ADCY8: variants seen among roughly 807,000 people sequenced by gnomAD.
The protein encoded by ADCY8 is adenylate cyclase type 8.
In ADCY8, 51 loss-of-function variants were observed where a neutral mutation model predicts 119.7. The ratio of observed to expected loss-of-function variants is 0.43; its 90% CI spans 0.34 to 0.54. The LOEUF (loss-of-function observed/expected upper bound fraction) is 0.54, where lower values mean the gene tolerates loss of function less well. Ranked by LOEUF, ADCY8 falls within the 20% of genes least tolerant of loss-of-function variation. ADCY8 has a pLI of 0.03. For synonymous variants in ADCY8, 665 were observed against 651.0 expected (o/e 1.02, Z -0.33); for missense variants, 1,383 against 1,598.8 (o/e 0.87, Z 2.30).
chr8:131,028,181 C>T (rs1411177), intron 1 of ADCY8, among the ~76,000 whole-genome samples: 11,684 of 152,216 alleles, frequency 0.077, 1,329 homozygotes, highest in African/African-American at 0.24. Context: ...ATAGCAAAAA[C>T]AGGAGGAGAA....
chr8:131,000,937 C>G (rs1822926191), intron 1 of ADCY8, among the ~76,000 whole-genome samples: 1 of 151,978 alleles, frequency 6.6e-6, no homozygotes, highest in Non-Finnish European at 1.5e-5. Context: ...AAAGAGCCAC[C>G]TAAGGCAGGG....
At chr8:130,794,031 G>C (rs573486872) in intron 15 of ADCY8, among the ~76,000 whole-genome samples, 94 of 152,184 alleles carry the variant, frequency 6.2e-4, no homozygotes, top group South Asian at 3.1e-3. Context: ...GAAGAGGAGA[G>C]GGCACAGAGA....
intron 13 of ADCY8, among the ~76,000 whole-genome samples, chr8:130,820,942 A>G (rs1816490444): frequency 6.6e-6 from 1 of 152,192 alleles, no homozygotes; most frequent in South Asian, 2.1e-4. Flanking sequence ...CTTGCCCAAA[A>G]TCATACACTG....
intron 9 of ADCY8, among the ~76,000 whole-genome samples, chr8:130,860,734 G>A (rs7835441): frequency 3.3e-5 from 5 of 151,968 alleles, no homozygotes; most frequent in African/African-American, 7.3e-5. Flanking sequence ...TCAATCCATC[G>A]TCTAGGTTTT....
At position 130,878,693 on chromosome 8, in the gene ADCY8, G is replaced by C. The variant is rs563996526; in HGVS notation, c.2109+5871C>G. On this transcript the variant is annotated intron_variant, in intron 8 of 17. Coordinates refer to ENST00000286355, the MANE Select transcript of ADCY8 (RefSeq NM_001115.3). ...ACCTGCATTTCAAACAAGATCCCCA[G>C]ATGATTCTTAAGTTTGAAAACTATT... 1.9e-3 allele frequency among the ~76,000 whole-genome samples: 292 copies of C among 152,306 alleles called. 2 individuals are homozygous for C. The highest frequency in any genetic ancestry group is 6.4e-3 in the African/African-American group (264 of 41,574).
intron 5 of ADCY8, among the ~76,000 whole-genome samples, chr8:130,927,689 A>AT (rs139791674): frequency 0.056 from 8,230 of 148,240 alleles, 691 homozygotes; most frequent in African/African-American, 0.19. Flanking sequence ...AATTCTAACC[A>AT]TTTTTTTTTT....
intron 7 of ADCY8, among the ~76,000 whole-genome samples, chr8:130,885,861 TAGAACACAGGCTAGATGA>T (rs1818963057): frequency 6.6e-6 from 1 of 152,044 alleles, no homozygotes; most frequent in Admixed American, 6.6e-5. Flanking sequence ...TGGCTATGTT[TAGAACACAGGCTAGATGA>T]AGATAAGATT....
chr8:131,004,751 T>C (rs1024606728), intron 1 of ADCY8, among the ~76,000 whole-genome samples: 3 of 152,174 alleles, frequency 2.0e-5, no homozygotes, highest in African/African-American at 7.2e-5. Context: ...AGACTAATAA[T>C]ATGCAGTCCT....
At chr8:130,944,486 C>G (rs774449861) in intron 3 of ADCY8, among the ~76,000 whole-genome samples, 16 of 152,134 alleles carry the variant, frequency 1.1e-4, no homozygotes, top group Non-Finnish European at 1.6e-4. Flanking sequence ...TTACAATCAG[C>G]CTATGAGTGT....
rs113204257 is a variant in ADCY8, at chr8:130,952,140, A to G, written c.1111-142T>C. ...TCATACCATTCTATGAATACAACAA[A>G]TATTTATTGAGTACTTATTATTTGC... On this transcript the variant is annotated intron_variant, in intron 2 of 17. Coordinates refer to ENST00000286355, the MANE Select transcript of ADCY8 (RefSeq NM_001115.3). 1.9e-3 allele frequency: 1,758 copies of G among 947,714 alleles called. 25 individuals carry two copies. In the African/African-American group the frequency reaches 0.025, roughly 13 times the overall value. 58.7% of individuals were successfully genotyped at this position (947,714 alleles called of 1,614,324 possible).
Position 130,880,862 on chromosome 8 carries a change from T to C in ADCY8, c.2109+3702A>G, listed in dbSNP as rs142990430. On this transcript the variant is annotated intron_variant, in intron 8 of 17. Coordinates refer to ENST00000286355, the MANE Select transcript of ADCY8 (RefSeq NM_001115.3). ...CCAGGACATATGGCCACCATGATCA[T>C]AGGAAATTCACAGATTTATAGCATT... Among the ~76,000 whole-genome samples, 9 of 152,282 alleles carry C rather than the reference T, an allele frequency of 5.9e-5. No homozygotes were observed. The East Asian group carries it at 1.2e-3, about 20-fold the overall frequency.
chr8:130,853,099 C>T (rs770218013), intron 9 of ADCY8, among the ~76,000 whole-genome samples: 2 of 152,212 alleles, frequency 1.3e-5, no homozygotes, highest in African/African-American at 2.4e-5. Context: ...ATCGGGGGTG[C>T]TCAGTGGACC....
At chr8:131,038,412 A>T (rs558819881) in intron 1 of ADCY8, among the ~76,000 whole-genome samples, 1 of 152,270 alleles carries the variant, frequency 6.6e-6, no homozygotes, top group East Asian at 1.9e-4. Flanking sequence ...GAAACCCCCA[A>T]AGTCACTCTC....
At chr8:130,994,297 A>C (rs1321504906) in intron 1 of ADCY8, among the ~76,000 whole-genome samples, 2 of 152,230 alleles carry the variant, frequency 1.3e-5, no homozygotes, top group African/African-American at 2.4e-5. Context: ...TGAGTGATCC[A>C]TTTGTAAACT....
chr8:130,918,121 G>C (rs1297296856), intron 5 of ADCY8, among the ~76,000 whole-genome samples: 1 of 152,220 alleles, frequency 6.6e-6, no homozygotes, highest in Non-Finnish European at 1.5e-5. Context: ...CTCTGATTTT[G>C]TGTGGGTCTT....
chr8:130,964,817 A>C (rs1234454251), intron 2 of ADCY8, among the ~76,000 whole-genome samples: 1 of 152,236 alleles, frequency 6.6e-6, no homozygotes, highest in African/African-American at 2.4e-5. Flanking sequence ...CCTTTTCTGC[A>C]CAGTCTCACC....
At position 130,784,511 on chromosome 8, in the gene ADCY8, G is replaced by C. The variant is rs147411956; in HGVS notation, c.3154-706C>G. On this transcript the variant is annotated intron_variant, in intron 16 of 17. Coordinates refer to ENST00000286355, the MANE Select transcript of ADCY8 (RefSeq NM_001115.3). ...GAGGTTAGCAAACAGTTTCAATAAA[G>C]GCTAGATAGCCAATATTTTAAGGTT... Among the ~76,000 whole-genome samples, 1,325 of 152,298 alleles carry C rather than the reference G, an allele frequency of 8.7e-3. 16 individuals are homozygous for C. The highest frequency in any genetic ancestry group is 0.03 in the African/African-American group (1,260 of 41,546).
intron 12 of ADCY8, among the ~76,000 whole-genome samples, chr8:130,831,046 G>T (rs1429680312): frequency 6.6e-6 from 1 of 152,106 alleles, no homozygotes; most frequent in Non-Finnish European, 1.5e-5. Flanking sequence ...GAAGGCTTGG[G>T]CAAATAGAAA....
rs553433525 is a variant in ADCY8, at chr8:130,968,232, G to A, written c.1111-16234C>T. ...GTCACCCAGGCTGGAGTGCAGTGGC[G>A]CATCTCCGCTCACTGCAAGCTCTGC... is the stretch of plus-strand genomic sequence containing the variant. On this transcript the variant is annotated intron_variant, in intron 2 of 17. Transcript: ENST00000286355. 3.2e-4 allele frequency among the ~76,000 whole-genome samples: 49 copies of A among 151,416 alleles called. 1 individual carries two copies. Among genetic ancestry groups the A allele is most frequent in the Non-Finnish European group, 2.5e-4 (17 of 67,892 alleles).
Sources: allele counts gnomAD v4.1 joint callset (sites outside exome capture counted in the v4.1 genomes callset), GRCh38; gene constraint gnomAD v4.1.1; transcripts MANE v1.5; gene names NCBI Gene and HGNC (gene_info 2026-07-23, HGNC 2026-07-21).